Variants in DNAJC16 observed in about 807,000 individuals in gnomAD.
DNAJC16 encodes DnaJ heat shock protein family (Hsp40) member C16.
Under a neutral mutation model 92.7 loss-of-function variants are expected in DNAJC16, and 76 were observed. The observed-to-expected ratio is 0.82, with a 90% CI of 0.68 to 0.99. The LOEUF is 0.99. Ranked by LOEUF, DNAJC16 falls within the 50% of genes least tolerant of loss-of-function variation. The probability of loss-of-function intolerance (pLI) is 0.00; values close to 1 mark genes in which losing one functional copy is unlikely to be tolerated. For missense variants in DNAJC16, 869 were observed against 942.4 expected, an observed-to-expected ratio of 0.92 and a Z score of 1.02; for synonymous variants, 328 against 358.7, an observed-to-expected ratio of 0.91 and a Z score of 0.97.
chr1:15,535,753 A>G (rs1377924556), intron 3 of DNAJC16, among the ~76,000 whole-genome samples: 1 of 151,750 alleles, frequency 6.6e-6, no homozygotes, highest in Non-Finnish European at 1.5e-5. Flanking sequence ...ATATCTAATT[A>G]TGTCATAATC....
At chr1:15,543,482 C>A (rs541388094) in intron 4 of DNAJC16, among the ~76,000 whole-genome samples, 1 of 152,292 alleles carries the variant, frequency 6.6e-6, no homozygotes, top group Non-Finnish European at 1.5e-5. Context: ...CATGGGGAAC[C>A]AGGGGCCAAA....
At position 15,529,275 on chromosome 1, in the gene DNAJC16, AGG is replaced by A. The variant is rs771646262; in HGVS notation, c.167+4_167+5del. ...TATAAGAAGCTCGCCCGGGAATGGT[AGG>A]TGAAACAAAGAAATAGAGGTTTAAC... On this transcript the variant is annotated splice_donor_5th_base_variant and intron_variant, in intron 2 of 14. Coordinates refer to ENST00000375847, the MANE Select transcript of DNAJC16 (RefSeq NM_015291.4). 6.2e-7 allele frequency: 1 copy of A among 1,605,308 alleles called. No homozygotes were observed. Among genetic ancestry groups the A allele is most frequent in the Non-Finnish European group, 8.5e-7 (1 of 1,173,578 alleles).
Position 15,570,272 on chromosome 1 carries a change from A to G in DNAJC16, c.*2095A>G, listed in dbSNP as rs181770742. ...GGTATTTTATGGCCAGATTGCTTAT[A>G]TGAGTGGTCTTTTGGTTTGGTAGTA... On this transcript the variant is annotated 3_prime_UTR_variant, in exon 15 of 15. Coordinates refer to ENST00000375847, the MANE Select transcript of DNAJC16 (RefSeq NM_015291.4). The G allele has an allele frequency of 2.0e-5, 3 of 152,322 alleles. No individual in the cohort carries two copies. The highest frequency in any genetic ancestry group is 4.8e-5 in the African/African-American group (2 of 41,578). The allele number at this position is 152,322 out of a possible 1,614,324, so 9.4% of individuals were successfully genotyped here.
rs146436993 is a variant in DNAJC16, at chr1:15,548,335, G to A, written c.930G>A (p.Thr310=). ...FGYVYVGLRG[T]EEMTRRYNIN... ...ATGTATATGTGGGTTTGAGAGGGAC[G>A]GAAGAGATGACAAGGCGGTACAACA... The change falls in exon 7 of 15, where the codon ACG becomes ACA. Residue 310 remains threonine, a synonymous_variant. Coordinates refer to ENST00000375847, the MANE Select transcript of DNAJC16 (RefSeq NM_015291.4). The A allele has an allele frequency of 2.3e-4, 365 of 1,614,132 alleles. 1 individual carries two copies. Among genetic ancestry groups the A allele is most frequent in the South Asian group, 4.6e-4 (42 of 91,082 alleles).
In DNAJC16 at chr1:15,570,460, C is replaced by T. The variant is rs1638922917; in HGVS notation, c.*2283C>T. On this transcript the variant is annotated 3_prime_UTR_variant, in exon 15 of 15. Coordinates refer to ENST00000375847, the MANE Select transcript of DNAJC16 (RefSeq NM_015291.4). ...TCCTGGCCTCAAGCAGTCCTTCCACCTTGGCCTCCCAAAGTGCTGGGATTA... is the reference window on the plus strand; with the variant it reads ...TCCTGGCCTCAAGCAGTCCTTCCACTTTGGCCTCCCAAAGTGCTGGGATTA... The T allele has an allele frequency of 6.6e-6, 1 of 152,290 alleles. No homozygotes were observed. The highest frequency in any genetic ancestry group is 1.5e-5 in the Non-Finnish European group (1 of 68,038). 9.4% of individuals were successfully genotyped at this position (152,290 alleles called of 1,614,324 possible).
At chr1:15,535,842 G>C (rs1710765708) in intron 3 of DNAJC16, among the ~76,000 whole-genome samples, 1 of 151,746 alleles carries the variant, frequency 6.6e-6, no homozygotes, top group South Asian at 2.1e-4. Context: ...GCTCACTGCA[G>C]CCTTCAACTA....
rs373341208 is a variant in DNAJC16 at position 15,556,950 on chromosome 1, AT to A, written c.1024-2571del. Among the ~76,000 whole-genome samples, 290 of 152,270 alleles carry A rather than the reference AT, an allele frequency of 1.9e-3. 1 individual carries two copies. Among genetic ancestry groups the A allele is most frequent in the African/African-American group, 6.6e-3 (275 of 41,556 alleles). On this transcript the variant is annotated intron_variant, in intron 7 of 14. Transcript: ENST00000375847. ...TTTCTACATCCATTAGATTATTCTGATTTTTCTTCTTTAATCTATATTGTGC... is the reference window on the plus strand; with the variant it reads ...TTTCTACATCCATTAGATTATTCTGATTTTCTTCTTTAATCTATATTGTGC...
intron 5 of DNAJC16, among the ~76,000 whole-genome samples, chr1:15,545,115 G>C (rs1638267442): frequency 6.6e-6 from 1 of 152,168 alleles, no homozygotes; most frequent in African/African-American, 2.4e-5. Flanking sequence ...GGTTGAAATA[G>C]AGAAGCCAGA....
chr1:15,545,391 G>T (rs1291081648), intron 5 of DNAJC16, among the ~76,000 whole-genome samples: 2 of 152,140 alleles, frequency 1.3e-5, no homozygotes, highest in Non-Finnish European at 2.9e-5. Flanking sequence ...AATATTGGAG[G>T]CTTCTAAAAT....
At chr1:15,542,832 G>A (rs1291690407) in intron 4 of DNAJC16, among the ~76,000 whole-genome samples, 1 of 152,194 alleles carries the variant, frequency 6.6e-6, no homozygotes, top group Non-Finnish European at 1.5e-5. Context: ...ATAGTGGCAC[G>A]TGCCTGGAAT....
At chr1:15,527,125 G>A (rs917098181) in intron 1 of DNAJC16, among the ~76,000 whole-genome samples, 167 bp downstream of exon 1, 4 of 151,884 alleles carry the variant, frequency 2.6e-5, no homozygotes, top group Non-Finnish European at 5.9e-5. Flanking sequence ...GGGGGAGGGG[G>A]CTGTCTCCTG....
intron 2 of DNAJC16, among the ~76,000 whole-genome samples, chr1:15,533,211 A>G (rs1275998661): frequency 6.6e-6 from 1 of 152,220 alleles, no homozygotes. Context: ...AAAATCTCCA[A>G]AGCTGGCCGG....
intron 2 of DNAJC16, among the ~76,000 whole-genome samples, chr1:15,531,056 C>T (rs376760555): frequency 6.6e-6 from 1 of 152,110 alleles, no homozygotes; most frequent in Non-Finnish European, 1.5e-5. Context: ...CTCTGGGTTC[C>T]GTAGTTTGAC....
chr1:15,535,513 G>A (rs1316520800), intron 3 of DNAJC16, among the ~76,000 whole-genome samples: 1 of 152,190 alleles, frequency 6.6e-6, no homozygotes, highest in Non-Finnish European at 1.5e-5. Flanking sequence ...CACTTGGGGA[G>A]GCTGAGGCAT....
chr1:15,546,704 C>G, intron 5 of DNAJC16, 63 bp from the exon 6 acceptor site: 1 of 1,274,454 alleles, frequency 7.8e-7, no homozygotes, highest in Non-Finnish European at 1.1e-6. Flanking sequence ...TTTCTCCTGA[C>G]TGGAGTATAA....
chr1:15,548,647 G>A (rs1349970821), intron 7 of DNAJC16, among the ~76,000 whole-genome samples: 1 of 151,822 alleles, frequency 6.6e-6, no homozygotes, highest in African/African-American at 2.4e-5. Flanking sequence ...GGCTCCTGTT[G>A]GAAAACCAAC....
In DNAJC16 at chr1:15,567,058, C is replaced by T. The variant is rs772979762; in HGVS notation, c.1779-41C>T. 4.0e-5 allele frequency: 63 copies of T among 1,579,278 alleles called. No homozygotes were observed. In the Admixed American group the frequency reaches 6.3e-4, roughly 16 times the overall value. ...TCTTTTCAAAGTAACGGCTTTCCCC[C>T]TATCCTGACAGCATCTTAACTCCTC... On this transcript the variant is annotated intron_variant, in intron 13 of 14. Coordinates refer to ENST00000375847, the MANE Select transcript of DNAJC16 (RefSeq NM_015291.4).
At chr1:15,564,187 C>T in intron 10 of DNAJC16, 76 bp downstream of exon 10, 2 of 1,582,616 alleles carry the variant, frequency 1.3e-6, no homozygotes, top group Non-Finnish European at 1.7e-6. Flanking sequence ...GATTTCTGCT[C>T]AGAGCAGAGG....
At chr1:15,567,065 G>A in intron 13 of DNAJC16, 34 bp from the exon 14 acceptor site, 4 of 1,590,418 alleles carry the variant, frequency 2.5e-6, no homozygotes, top group Non-Finnish European at 3.4e-6. Flanking sequence ...CCCCTATCCT[G>A]ACAGCATCTT....
Sources: allele counts gnomAD v4.1 joint callset (sites outside exome capture counted in the v4.1 genomes callset), GRCh38; gene constraint gnomAD v4.1.1; transcripts MANE v1.5; gene names NCBI Gene and HGNC (gene_info 2026-07-23, HGNC 2026-07-21).